Variants in EPSTI1 observed in about 807,000 individuals in gnomAD.
The protein encoded by EPSTI1 is epithelial stromal interaction 1.
A neutral mutation model predicts 49.9 loss-of-function variants in EPSTI1; 66 were observed. The ratio of observed to expected loss-of-function variants is 1.32; its 90% CI spans 1.08 to 1.62. The LOEUF is 1.62. EPSTI1 is among the 40% of genes most tolerant of loss of function. EPSTI1 has a pLI of 0.00. For missense variants in EPSTI1, 394 were observed against 365.5 expected, an observed-to-expected ratio of 1.08 and a Z score of -0.64; for synonymous variants, 137 against 130.7, an observed-to-expected ratio of 1.05 and a Z score of -0.33.
chr13:42,984,399 A>G (rs1286668992), intron 1 of EPSTI1, among the ~76,000 whole-genome samples: 1 of 152,216 alleles, frequency 6.6e-6, no homozygotes, highest in Non-Finnish European at 1.5e-5. Context: ...CAGTTCTAAT[A>G]TGCTCTAATA....
intron 1 of EPSTI1, among the ~76,000 whole-genome samples, chr13:42,978,464 C>T (rs1337594704): frequency 2.0e-5 from 3 of 152,152 alleles, no homozygotes. Flanking sequence ...ATCAGATATG[C>T]ATTTATCTCA....
At chr13:42,945,149 T>C (rs1293135079) in intron 6 of EPSTI1, among the ~76,000 whole-genome samples, 1 of 152,182 alleles carries the variant, frequency 6.6e-6, no homozygotes, top group Non-Finnish European at 1.5e-5. Context: ...GACTCACAGT[T>C]CCACATGGCT....
intron 3 of EPSTI1, among the ~76,000 whole-genome samples, chr13:42,967,658 G>A (rs1305300187): frequency 6.6e-6 from 1 of 152,206 alleles, no homozygotes; most frequent in Non-Finnish European, 1.5e-5. Flanking sequence ...GACAGGAGAG[G>A]AAATCGTCTG....
chr13:42,949,897 G>A (rs2039045097), intron 6 of EPSTI1, among the ~76,000 whole-genome samples: 1 of 150,692 alleles, frequency 6.6e-6, no homozygotes, highest in Non-Finnish European at 1.5e-5. Context: ...TTTAAATGCT[G>A]AGATTTATTT....
intron 6 of EPSTI1, among the ~76,000 whole-genome samples, chr13:42,926,990 G>GACACACACACACACACACAC (rs10529424): frequency 6.9e-6 from 1 of 144,610 alleles, no homozygotes; most frequent in Non-Finnish European, 1.5e-5. Flanking sequence ...TCTGTTAACA[G>GACACACACACACACACACAC]ACACACACAC....
intron 8 of EPSTI1, among the ~76,000 whole-genome samples, chr13:42,913,030 A>G (rs1413400631): frequency 6.6e-6 from 1 of 152,034 alleles, no homozygotes; most frequent in Admixed American, 6.5e-5. Flanking sequence ...AGACAACCAA[A>G]GGCTATGCAA....
At chr13:42,926,245 G>A (rs2038172859) in intron 7 of EPSTI1, 91 bp downstream of exon 7, 1 of 801,314 alleles carries the variant, frequency 1.2e-6, no homozygotes, top group South Asian at 1.4e-5. Flanking sequence ...AGCATTCTAT[G>A]ATGTACAAGT....
intron 6 of EPSTI1, among the ~76,000 whole-genome samples, chr13:42,953,568 T>C (rs2039167901): frequency 6.6e-6 from 1 of 152,246 alleles, no homozygotes; most frequent in African/African-American, 2.4e-5. Context: ...AAGTGTATAG[T>C]GGTCCTCAGT....
chr13:42,954,916 T>C (rs2039213399), intron 5 of EPSTI1, among the ~76,000 whole-genome samples: 1 of 152,222 alleles, frequency 6.6e-6, no homozygotes. Context: ...TTGGAAATCA[T>C]CACTTTCAAG....
chr13:42,919,309 A>T (rs773154932), intron 7 of EPSTI1: 20 of 1,613,738 alleles, frequency 1.2e-5, no homozygotes, highest in Non-Finnish European at 1.7e-5. Context: ...CCCAGCTGTG[A>T]TCCCTAGGCA....
chr13:42,955,883 G>A (rs112428529), intron 5 of EPSTI1, among the ~76,000 whole-genome samples: 14 of 144,606 alleles, frequency 9.7e-5, no homozygotes, highest in South Asian at 4.7e-4. Context: ...TATTTGGGGG[G>A]GGGGGGAAGT....
At chr13:42,929,721 T>C (rs1194273885) in intron 6 of EPSTI1, among the ~76,000 whole-genome samples, 4 of 152,226 alleles carry the variant, frequency 2.6e-5, no homozygotes, top group Admixed American at 6.5e-5. Context: ...ATATTTATCT[T>C]TTTTAATTAA....
intron 6 of EPSTI1, among the ~76,000 whole-genome samples, chr13:42,926,747 C>T (rs1016829751): frequency 6.6e-6 from 1 of 152,176 alleles, no homozygotes; most frequent in Non-Finnish European, 1.5e-5. Flanking sequence ...GCATGCAGCC[C>T]TAATTTCCTA....
chr13:42,908,708 T>A (rs1363051457), intron 8 of EPSTI1, among the ~76,000 whole-genome samples: 1 of 151,870 alleles, frequency 6.6e-6, no homozygotes, highest in Non-Finnish European at 1.5e-5. Flanking sequence ...AAACTATACA[T>A]CTAATAGGGG....
chr13:42,910,632 T>C (rs2037641964), intron 8 of EPSTI1, among the ~76,000 whole-genome samples: 1 of 152,220 alleles, frequency 6.6e-6, no homozygotes. Context: ...ATTGCTCCCA[T>C]GCATAAATAA....
chr13:42,905,013 T>A (rs2037459170), intron 8 of EPSTI1, among the ~76,000 whole-genome samples: 1 of 152,196 alleles, frequency 6.6e-6, no homozygotes, highest in Non-Finnish European at 1.5e-5. Context: ...TATTTCCTCA[T>A]ACCATCAGTA....
intron 8 of EPSTI1, among the ~76,000 whole-genome samples, chr13:42,908,088 CA>C (rs911034398): frequency 6.6e-6 from 1 of 152,192 alleles, no homozygotes; most frequent in Admixed American, 6.5e-5. Context: ...ATACAAAAAA[CA>C]ACTCAATTTG....
intron 1 of EPSTI1, among the ~76,000 whole-genome samples, chr13:42,984,604 C>T (rs911219596): frequency 1.3e-5 from 2 of 152,100 alleles, no homozygotes; most frequent in African/African-American, 4.8e-5. Context: ...ATTGTATATC[C>T]CACCTTGTAT....
intron 6 of EPSTI1, among the ~76,000 whole-genome samples, chr13:42,926,887 C>T (rs933439581): frequency 2.6e-5 from 4 of 152,050 alleles, no homozygotes; most frequent in African/African-American, 7.3e-5. Context: ...TGGCTTTGAC[C>T]ACTGTTAGGA....
Sources: gnomAD v4.1 joint callset for allele counts (sites outside exome capture counted in the v4.1 genomes callset) on GRCh38, gnomAD v4.1.1 for gene constraint, MANE v1.5 for transcripts, NCBI Gene and HGNC (gene_info 2026-07-23, HGNC 2026-07-21) for gene names.